The following LRRTM3 variants were observed in gnomAD, a reference collection of about 807,000 sequenced individuals.
The protein encoded by LRRTM3 is leucine-rich repeat transmembrane neuronal protein 3.
Under a neutral mutation model 44.7 loss-of-function variants are expected in LRRTM3, and 24 were observed. The ratio of observed to expected loss-of-function variants is 0.54; its 90% CI spans 0.39 to 0.76. LRRTM3 has a LOEUF of 0.76. Ranked by LOEUF, LRRTM3 falls within the 30% of genes least tolerant of loss-of-function variation. The probability of loss-of-function intolerance (pLI) is 0.00; values close to 1 mark genes in which losing one functional copy is unlikely to be tolerated. For synonymous variants in LRRTM3, 277 were observed against 278.7 expected (o/e 0.99, Z 0.06); for missense variants, 587 against 702.2 (o/e 0.84, Z 1.85).
chr10:66,948,742 T>C (rs1848396547), intron 2 of LRRTM3, among the ~76,000 whole-genome samples: 2 of 152,170 alleles, frequency 1.3e-5, no homozygotes, highest in Non-Finnish European at 2.9e-5. Context: ...TAACAATCTG[T>C]TATTTGCTCC....
At chr10:66,975,048 T>A (rs1037256700) in intron 2 of LRRTM3, among the ~76,000 whole-genome samples, 1 of 152,118 alleles carries the variant, frequency 6.6e-6, no homozygotes, top group African/African-American at 2.4e-5. Context: ...TAATCTGGTA[T>A]TTTAGACTCC....
intron 2 of LRRTM3, among the ~76,000 whole-genome samples, chr10:67,056,950 A>G (rs1427057484): frequency 6.6e-6 from 1 of 152,190 alleles, no homozygotes; most frequent in Non-Finnish European, 1.5e-5. Context: ...AAAGAGTGGG[A>G]ACTGACTGAG....
chr10:66,960,204 T>C (rs563985975), intron 2 of LRRTM3, among the ~76,000 whole-genome samples: 67 of 152,242 alleles, frequency 4.4e-4, no homozygotes, highest in African/African-American at 1.5e-3. Flanking sequence ...ATTTTCACAA[T>C]GAAAATGTGT....
intron 2 of LRRTM3, among the ~76,000 whole-genome samples, chr10:66,956,024 C>G (rs1196589297): frequency 6.6e-6 from 1 of 152,100 alleles, no homozygotes; most frequent in African/African-American, 2.4e-5. Flanking sequence ...GGGAATTCTG[C>G]AGAAGCTGAC....
At chr10:66,940,061 T>TAG (rs1847916468) in intron 2 of LRRTM3, among the ~76,000 whole-genome samples, 1 of 152,154 alleles carries the variant, frequency 6.6e-6, no homozygotes, top group Admixed American at 6.6e-5. Context: ...AATAAGTAGT[T>TAG]AGGTTTTGTG....
chr10:66,945,793 G>A (rs938520715), intron 2 of LRRTM3, among the ~76,000 whole-genome samples: 7 of 152,064 alleles, frequency 4.6e-5, no homozygotes, highest in African/African-American at 1.4e-4. Flanking sequence ...GGTTATTAAT[G>A]GGTGAAATTT....
intron 2 of LRRTM3, among the ~76,000 whole-genome samples, chr10:66,948,017 G>A (rs933360835): frequency 2.0e-5 from 3 of 152,234 alleles, no homozygotes; most frequent in African/African-American, 4.8e-5. Context: ...ATAGAATGCT[G>A]TAGGCATTTG....
chr10:66,977,762 T>C (rs1460436429), intron 2 of LRRTM3, among the ~76,000 whole-genome samples: 1 of 152,212 alleles, frequency 6.6e-6, no homozygotes, highest in Non-Finnish European at 1.5e-5. Context: ...GATTCTCTTT[T>C]CTGAGTTGGG....
At chr10:67,040,021 T>A (rs1854295741) in intron 2 of LRRTM3, among the ~76,000 whole-genome samples, 1 of 152,120 alleles carries the variant, frequency 6.6e-6, no homozygotes, top group African/African-American at 2.4e-5. Context: ...GTGCTGATCA[T>A]GAGGAGGGTT....
chr10:67,090,178 C>T (rs1235615280), intron 2 of LRRTM3, among the ~76,000 whole-genome samples: 3 of 151,982 alleles, frequency 2.0e-5, no homozygotes, highest in Non-Finnish European at 2.9e-5. Context: ...AGGTTCCTGT[C>T]CCCATCTTGA....
intron 2 of LRRTM3, among the ~76,000 whole-genome samples, chr10:67,006,021 T>G (rs774462738): frequency 2.0e-5 from 3 of 152,054 alleles, no homozygotes; most frequent in Non-Finnish European, 4.4e-5. Flanking sequence ...ATTTTGAAAT[T>G]ATTCAGCATC....
At chr10:67,010,747 T>G (rs955057849) in intron 2 of LRRTM3, among the ~76,000 whole-genome samples, 1 of 152,182 alleles carries the variant, frequency 6.6e-6, no homozygotes, top group African/African-American at 2.4e-5. Context: ...ACCAACAATG[T>G]TTGCCATACC....
intron 2 of LRRTM3, among the ~76,000 whole-genome samples, chr10:66,960,311 T>C (rs1340950725): frequency 1.3e-5 from 2 of 152,134 alleles, no homozygotes; most frequent in Non-Finnish European, 2.9e-5. Flanking sequence ...TTTTTGCATT[T>C]CTATATCACT....
rs978966925 is a variant in LRRTM3 at position 67,098,794 on chromosome 10, A to G, written c.*998A>G. 2 of 151,934 alleles carry G rather than the reference A, an allele frequency of 1.3e-5. No individual in the cohort carries two copies. The highest frequency in any genetic ancestry group is 4.8e-5 in the African/African-American group (2 of 41,414). The allele number at this position is 151,934 out of a possible 1,614,324, so 9.4% of individuals were successfully genotyped here. A position where few individuals can be genotyped will look rare whatever the true frequency, so the allele number is the denominator to read the frequency against. ...GGAGTATAGTGCATAATAATTGTAC[A>G]GTAGCAATTTTTATCCTAATTAACC... On this transcript the variant is annotated 3_prime_UTR_variant, in exon 3 of 3. Coordinates refer to ENST00000361320, the MANE Select transcript of LRRTM3 (RefSeq NM_178011.5).
At chr10:67,023,012 G>A (rs1413073677) in intron 2 of LRRTM3, among the ~76,000 whole-genome samples, 1 of 152,032 alleles carries the variant, frequency 6.6e-6, no homozygotes, top group Non-Finnish European at 1.5e-5. Context: ...GAAATAAATG[G>A]AGAGGTATAA....
chr10:66,994,786 T>C (rs1004670883), intron 2 of LRRTM3, among the ~76,000 whole-genome samples: 42 of 152,224 alleles, frequency 2.8e-4, no homozygotes, highest in Admixed American at 2.3e-3. Context: ...TATCTAATAA[T>C]TATTGTGAAG....
At position 66,927,789 on chromosome 10, in the gene LRRTM3, A is replaced by AT; in HGVS notation, c.876dup (p.Ile293TyrfsTer14). 1 of 1,614,180 alleles carries AT rather than the reference A, an allele frequency of 6.2e-7. No individual in the cohort carries two copies. Reference sequence around the variant, plus strand: ...TCAACCTGGATTCCAACAAGCTCACATTTATTGGTCAAGAGATTTTGGATT... The same window carrying AT: ...TCAACCTGGATTCCAACAAGCTCACATTTTATTGGTCAAGAGATTTTGGATT... On this transcript the variant is annotated frameshift_variant, in exon 2 of 3. Coordinates refer to ENST00000361320, the MANE Select transcript of LRRTM3 (RefSeq NM_178011.5). LOFTEE classifies it high-confidence loss of function. This position sits in a 1 kb window ranked among gnomAD's most constrained non-coding sequence, Gnocchi z 4.7.
chr10:66,931,192 T>TTA (rs33993298), intron 2 of LRRTM3, among the ~76,000 whole-genome samples: 27 of 118,676 alleles, frequency 2.3e-4, no homozygotes, highest in African/African-American at 8.7e-4. Flanking sequence ...TGACAACAGT[T>TTA]AAAAAAAAAA....
At chr10:66,947,312 A>C (rs1848323786) in intron 2 of LRRTM3, among the ~76,000 whole-genome samples, 1 of 152,174 alleles carries the variant, frequency 6.6e-6, no homozygotes, top group Non-Finnish European at 1.5e-5. Context: ...AGGTCCCACT[A>C]TATTAAAGGA....
Sources: allele counts gnomAD v4.1 joint callset (sites outside exome capture counted in the v4.1 genomes callset), GRCh38; gene constraint gnomAD v4.1.1; non-coding constraint Gnocchi (gnomAD v3.1); transcripts MANE v1.5; gene names NCBI Gene and HGNC (gene_info 2026-07-23, HGNC 2026-07-21).